Variants in PCDHA13 observed in about 807,000 individuals in gnomAD.
PCDHA13 encodes protocadherin alpha-13.
In PCDHA13, 54 loss-of-function variants were observed where a neutral mutation model predicts 64.8. The ratio of observed to expected loss-of-function variants is 0.83; its 90% CI spans 0.67 to 1.04. PCDHA13 has a LOEUF of 1.04. Among genes scored for constraint, PCDHA13 ranks in the 50% least tolerant of loss-of-function variants. The pLI is 0.00. For missense variants in PCDHA13, 1,248 were observed against 1,254.3 expected (o/e 0.99, Z 0.08); for synonymous variants, 587 against 564.4 (o/e 1.04, Z -0.57).
At chr5:140,940,809 C>G (rs1308338406) in intron 1 of PCDHA13, among the ~76,000 whole-genome samples, 1 of 152,118 alleles carries the variant, frequency 6.6e-6, no homozygotes, top group Admixed American at 6.5e-5. Flanking sequence ...GCCAGGATAT[C>G]CTGAGATCTT....
chr5:140,993,539 T>C (rs1433781690), intron 3 of PCDHA13, among the ~76,000 whole-genome samples: 7 of 128,018 alleles, frequency 5.5e-5, no homozygotes, highest in Non-Finnish European at 1.0e-4. Flanking sequence ...GAGAGAGAGA[T>C]AGAGAAGTGA....
At position 140,883,599 on chromosome 5, in the gene PCDHA13, G is replaced by A. The variant is rs1562791244; in HGVS notation, c.1331G>A (p.Gly444Glu). ...SLWATASVSVGVADVNDNAPA... is the reference protein window; with the variant it reads ...SLWATASVSVEVADVNDNAPA... ...TGGGCCACGGCCAGCGTGTCGGTGG[G>A]GGTGGCCGACGTGAACGACAACGCG... Residue 444 changes from glycine to glutamate, a missense_variant, in exon 1 of 4, where the codon GGG becomes GAG. Gly to Glu is a moderately conservative substitution (Grantham distance 98). Coordinates refer to ENST00000289272, the MANE Select transcript of PCDHA13 (RefSeq NM_018904.3). 4 of 1,614,016 alleles carry A rather than the reference G, an allele frequency of 2.5e-6. No homozygotes were observed. Among genetic ancestry groups the A allele is most frequent in the Non-Finnish European group, 3.4e-6 (4 of 1,179,942 alleles).
At chr5:140,990,273 G>A (rs2097384089) in intron 3 of PCDHA13, among the ~76,000 whole-genome samples, 2 of 152,100 alleles carry the variant, frequency 1.3e-5, no homozygotes, top group African/African-American at 4.8e-5. Flanking sequence ...AATGTACCCC[G>A]GGTCTTGAGA....
chr5:140,983,363 C>A (rs574253600), intron 3 of PCDHA13, among the ~76,000 whole-genome samples: 33 of 152,290 alleles, frequency 2.2e-4, no homozygotes, highest in African/African-American at 7.9e-4. Context: ...AGAAATATGG[C>A]TTTGGAGGCC....
At chr5:140,945,190 G>A (rs1372387920) in intron 1 of PCDHA13, among the ~76,000 whole-genome samples, 1 of 152,000 alleles carries the variant, frequency 6.6e-6, no homozygotes, top group Non-Finnish European at 1.5e-5. Flanking sequence ...AGAAAACCAT[G>A]CTATTTACAA....
chr5:140,916,612 G>A (rs1256459125), intron 1 of PCDHA13, among the ~76,000 whole-genome samples: 3 of 152,144 alleles, frequency 2.0e-5, no homozygotes, highest in African/African-American at 7.2e-5. Flanking sequence ...CGGGCCTCAT[G>A]ACTCTACTCA....
chr5:140,939,886 T>C (rs1165679302), intron 1 of PCDHA13, among the ~76,000 whole-genome samples: 1 of 152,242 alleles, frequency 6.6e-6, no homozygotes, highest in Non-Finnish European at 1.5e-5. Flanking sequence ...AGTTGTGTTG[T>C]TCAAATATTC....
intron 1 of PCDHA13, chr5:140,927,418 C>A: frequency 6.2e-7 from 1 of 1,614,106 alleles, no homozygotes; most frequent in Non-Finnish European, 8.5e-7. Flanking sequence ...CATGGGATCG[C>A]GGGTTGACGG....
intron 1 of PCDHA13, among the ~76,000 whole-genome samples, chr5:140,952,560 C>T (rs536018099): frequency 5.2e-4 from 79 of 152,304 alleles, no homozygotes; most frequent in Non-Finnish European, 1.0e-3. Context: ...TCACTATCAG[C>T]ACTTCGGTCC....
chr5:140,921,705 G>C (rs2080339656), intron 1 of PCDHA13, among the ~76,000 whole-genome samples: 1 of 152,042 alleles, frequency 6.6e-6, no homozygotes, highest in Non-Finnish European at 1.5e-5. Context: ...ATTTTAAACA[G>C]TAAACACACG....
chr5:140,896,410 T>C (rs1554186951), intron 1 of PCDHA13, among the ~76,000 whole-genome samples: 1 of 152,154 alleles, frequency 6.6e-6, no homozygotes, highest in Non-Finnish European at 1.5e-5. Context: ...TTTTGACTTT[T>C]TAGTAATAGC....
At chr5:141,001,279 G>A (rs1317213469) in intron 3 of PCDHA13, among the ~76,000 whole-genome samples, 1 of 151,942 alleles carries the variant, frequency 6.6e-6, no homozygotes, top group African/African-American at 2.4e-5. Context: ...CTTTTTTTAC[G>A]GATGAAAACT....
At chr5:140,935,981 C>T (rs1206046231) in intron 1 of PCDHA13, among the ~76,000 whole-genome samples, 2 of 151,096 alleles carry the variant, frequency 1.3e-5, no homozygotes, top group Non-Finnish European at 2.9e-5. Context: ...CAATCTCTGC[C>T]TCCCGGGTTC....
chr5:140,926,170 C>G (rs558750358), intron 1 of PCDHA13, among the ~76,000 whole-genome samples: 1 of 151,736 alleles, frequency 6.6e-6, no homozygotes. Flanking sequence ...CAGGATCCAG[C>G]GCGGAAAGCC....
intron 1 of PCDHA13, among the ~76,000 whole-genome samples, chr5:140,970,926 G>A (rs1179837731): frequency 6.6e-6 from 1 of 152,154 alleles, no homozygotes; most frequent in Non-Finnish European, 1.5e-5. Flanking sequence ...AGAAGTGCCT[G>A]GTGTTAGTCA....
At chr5:140,887,253 C>T (rs1045921651) in intron 1 of PCDHA13, among the ~76,000 whole-genome samples, 3 of 151,962 alleles carry the variant, frequency 2.0e-5, no homozygotes, top group Admixed American at 6.6e-5. Flanking sequence ...CCCGCCACCA[C>T]GCCCTGCTAA....
chr5:140,981,498 T>C (rs1299157295), intron 2 of PCDHA13, among the ~76,000 whole-genome samples: 1 of 152,146 alleles, frequency 6.6e-6, no homozygotes, highest in African/African-American at 2.4e-5. Context: ...TGCTTGAACC[T>C]GGGAGGCAGA....
chr5:140,969,554 T>C (rs2096342030), intron 1 of PCDHA13: 12 of 1,222,074 alleles, frequency 9.8e-6, no homozygotes, highest in Non-Finnish European at 1.3e-5. Context: ...TGAAGCCTTG[T>C]CCATAAAATT....
chr5:140,898,040 GT>G (rs1301370622), intron 1 of PCDHA13, among the ~76,000 whole-genome samples: 7 of 151,970 alleles, frequency 4.6e-5, no homozygotes, highest in Non-Finnish European at 8.8e-5. Flanking sequence ...GGGGTTGTTT[GT>G]TTTTTTCTTG....
Sources: gnomAD v4.1 joint callset for allele counts (sites outside exome capture counted in the v4.1 genomes callset) on GRCh38, gnomAD v4.1.1 for gene constraint, MANE v1.5 for transcripts, NCBI Gene and HGNC (gene_info 2026-07-23, HGNC 2026-07-21) for gene names.